Variants in MIF4GD observed in about 807,000 individuals in gnomAD.
The protein encoded by MIF4GD is MIF4G domain-containing protein.
A neutral mutation model predicts 26.7 loss-of-function variants in MIF4GD; 22 were observed. The ratio of observed to expected loss-of-function variants is 0.82; its 90% CI spans 0.59 to 1.18. The LOEUF (loss-of-function observed/expected upper bound fraction) is 1.18, where lower values mean the gene tolerates loss of function less well. Among genes scored for constraint, MIF4GD ranks in the 50% most tolerant of loss-of-function variants. The pLI is 0.00. For missense variants in MIF4GD, 262 were observed against 279.6 expected (o/e 0.94, Z 0.45); for synonymous variants, 137 against 111.6 (o/e 1.23, Z -1.43).
In MIF4GD at chr17:75,266,582, A is replaced by AGTGGGAAACATCTCACCAGGAG; in HGVS notation, c.*136_*157dup. The AGTGGGAAACATCTCACCAGGAG allele has an allele frequency of 1.4e-6, 1 of 715,390 alleles. No individual in the cohort carries two copies. Among genetic ancestry groups the AGTGGGAAACATCTCACCAGGAG allele is most frequent in the East Asian group, 2.7e-5 (1 of 37,024 alleles). 44.3% of individuals were successfully genotyped at this position (715,390 alleles called of 1,614,324 possible). A position where few individuals can be genotyped will look rare whatever the true frequency, so the allele number is the denominator to read the frequency against. ...GGGCTCAGGGCAGGACCACGGCATA[A>AGTGGGAAACATCTCACCAGGAG]GTGGGAAACATCTCACCAGGAGATG... is the stretch of plus-strand genomic sequence containing the variant. On this transcript the variant is annotated 3_prime_UTR_variant, in exon 6 of 6. Coordinates refer to ENST00000325102, the MANE Select transcript of MIF4GD (RefSeq NM_001370592.1).
rs950110632 is a variant in MIF4GD at position 75,269,307 on chromosome 17, A to G, written c.82+807T>C. 5 of 1,610,118 alleles carry G rather than the reference A, an allele frequency of 3.1e-6. 1 individual carries two copies. The highest frequency in any genetic ancestry group is 3.3e-4 in the Middle Eastern group (2 of 6,048). On this transcript the variant is annotated intron_variant, in intron 2 of 5. Coordinates refer to ENST00000325102, the MANE Select transcript of MIF4GD (RefSeq NM_001370592.1). ...AGGGCCTCCCAACAGGCTCGGCTTGACACATGATGGGTGTTGCTAATTATT... is the reference window on the plus strand; with the variant it reads ...AGGGCCTCCCAACAGGCTCGGCTTGGCACATGATGGGTGTTGCTAATTATT...
chr17:75,266,716 G>C lies in MIF4GD; in HGVS notation c.*24C>G, dbSNP rs745360304. 10 of 1,606,382 alleles carry C rather than the reference G, an allele frequency of 6.2e-6. No homozygotes were observed. The highest frequency in any genetic ancestry group is 5.3e-5 in the African/African-American group (4 of 74,798). On this transcript the variant is annotated 3_prime_UTR_variant, in exon 6 of 6. Coordinates refer to ENST00000325102, the MANE Select transcript of MIF4GD (RefSeq NM_001370592.1). The stretch of plus-strand genomic sequence containing the variant: ...GTGGGTAGAAGAAAGGCCAGTGCTG[G>C]TGAGGAAGCCCTGATCTGGAGGCCT...
rs749848553 is a variant in MIF4GD, at chr17:75,270,158, G to A, written c.38C>T (p.Ser13Phe). 2 of 1,614,084 alleles carry A rather than the reference G, an allele frequency of 1.2e-6. No individual in the cohort carries two copies. The highest frequency in any genetic ancestry group is 4.5e-5 in the East Asian group (2 of 44,880). ...CAGCTGCTGGGTCTCTGCATCAAAGGACTGGATTTTATACTCCTCTCTACT... is the reference window on the plus strand; with the variant it reads ...CAGCTGCTGGGTCTCTGCATCAAAGAACTGGATTTTATACTCCTCTCTACT... ...EPSREEYKIQ[S>F]FDAETQQLLK... Residue 13 changes from serine (S) to phenylalanine (F), a missense_variant, in exon 2 of 6, where the codon TCC becomes TTC. Coordinates refer to ENST00000325102, the MANE Select transcript of MIF4GD (RefSeq NM_001370592.1). This position sits in a 1 kb window ranked among gnomAD's most constrained non-coding sequence, Gnocchi z 5.7.
Position 75,266,239 on chromosome 17 carries a change from GA to G in MIF4GD, c.*500del, listed in dbSNP as rs1284819247. The G allele has an allele frequency of 2.7e-5, 11 of 414,428 alleles. No homozygotes were observed. Among genetic ancestry groups the G allele is most frequent in the Non-Finnish European group, 4.4e-5 (10 of 226,456 alleles). 25.7% of individuals were successfully genotyped at this position (414,428 alleles called of 1,614,324 possible). A position where few individuals can be genotyped will look rare whatever the true frequency, so the allele number is the denominator to read the frequency against. On this transcript the variant is annotated 3_prime_UTR_variant, in exon 6 of 6. Transcript: ENST00000325102. The stretch of plus-strand genomic sequence containing the variant: ...TATAAAGGAAGCAGTTTTAGTATCA[GA>G]AAAGATTTATTAGAAAATTCTCACG...
rs971778790 is a variant in MIF4GD, at chr17:75,270,108, G to A, written c.82+6C>T. On this transcript the variant is annotated splice_donor_region_variant and intron_variant, in intron 2 of 5. Coordinates refer to ENST00000325102, the MANE Select transcript of MIF4GD (RefSeq NM_001370592.1). The surrounding 1 kb of genome is among the most constrained non-coding windows in gnomAD (Gnocchi z 5.7). ...GACCCCAGCTCAGGAGGGGTCCCGT[G>A]CTCACCTTTGAGTGCTGTCTTCAGC... 1.9e-6 allele frequency: 3 copies of A among 1,613,562 alleles called. No individual in the cohort carries two copies. Among genetic ancestry groups the A allele is most frequent in the Non-Finnish European group, 2.5e-6 (3 of 1,179,610 alleles).
intron 2 of MIF4GD, among the ~76,000 whole-genome samples, chr17:75,268,489 C>T (rs1166182080): frequency 6.6e-6 from 1 of 151,632 alleles, no homozygotes; most frequent in African/African-American, 2.4e-5. Flanking sequence ...CATGGTGAAA[C>T]CCCATCTCTA....
Position 75,266,669 on chromosome 17 carries a change from G to A in MIF4GD, c.*71C>T. On this transcript the variant is annotated 3_prime_UTR_variant, in exon 6 of 6. Transcript: ENST00000325102. ...GGGAAAAGTCTTTGGGTGAGGCAGAGACTCCACTGCCAGCTTTAGAGGTGG... is the reference window on the plus strand; with the variant it reads ...GGGAAAAGTCTTTGGGTGAGGCAGAAACTCCACTGCCAGCTTTAGAGGTGG... 1 of 1,418,380 alleles carries A rather than the reference G, an allele frequency of 7.1e-7. No homozygotes were observed. Among genetic ancestry groups the A allele is most frequent in the Non-Finnish European group, 1.0e-6 (1 of 1,002,838 alleles). 87.9% of individuals were successfully genotyped at this position (1,418,380 alleles called of 1,614,324 possible).
intron 2 of MIF4GD, among the ~76,000 whole-genome samples, chr17:75,268,660 A>G (rs1456943820): frequency 2.1e-5 from 3 of 141,122 alleles, no homozygotes; most frequent in East Asian, 4.2e-4. Context: ...CGACAAAGCA[A>G]GACTCCGTCT....
chr17:75,267,300 T>C (rs2077526958), intron 5 of MIF4GD, among the ~76,000 whole-genome samples: 2 of 152,238 alleles, frequency 1.3e-5, no homozygotes, highest in African/African-American at 4.8e-5. Flanking sequence ...CCATCATACG[T>C]TGGCTTTCTG....
chr17:75,266,887 A>T lies in MIF4GD; in HGVS notation c.522T>A (p.Phe174Leu). The change falls in exon 6 of 6, where the codon TTT (phenylalanine) becomes TTA (leucine). Residue 174 changes from phenylalanine (F) to leucine (L), a missense_variant. Phe to Leu is a conservative substitution (Grantham distance 22). Coordinates refer to ENST00000325102, the MANE Select transcript of MIF4GD (RefSeq NM_001370592.1). ...KMNGQRMDEL[F>L]VLIRDGFLLP... Reference sequence around the variant, plus strand: ...GCAGGAAGCCATCCCGGATCAGCACAAAGAGCTCATCCATGCGCTGCCCAT... The same window carrying T: ...GCAGGAAGCCATCCCGGATCAGCACTAAGAGCTCATCCATGCGCTGCCCAT... The T allele has an allele frequency of 6.2e-7, 1 of 1,614,190 alleles. No individual in the cohort carries two copies. The highest frequency in any genetic ancestry group is 8.5e-7 in the Non-Finnish European group (1 of 1,180,018).
chr17:75,269,376 A>T, intron 2 of MIF4GD: 1 of 1,614,162 alleles, frequency 6.2e-7, no homozygotes, highest in Non-Finnish European at 8.5e-7. Flanking sequence ...GCGGGAAGGC[A>T]TCAGGCGAGA....
At position 75,266,878 on chromosome 17, in the gene MIF4GD, G is replaced by C. The variant is rs201029754; in HGVS notation, c.531C>G (p.Ile177Met). 4.6e-5 allele frequency: 75 copies of C among 1,614,068 alleles called. No individual in the cohort carries two copies. Among genetic ancestry groups the C allele is most frequent in the Non-Finnish European group, 5.8e-5 (69 of 1,180,038 alleles). ...CAGTTGGGAGCAGGAAGCCATCCCG[G>C]ATCAGCACAAAGAGCTCATCCATGC... ...GQRMDELFVL[I>M]RDGFLLPTGL... Residue 177 changes from isoleucine to methionine, a missense_variant, in exon 6 of 6, where the codon ATC becomes ATG. Physicochemically the swap from Ile to Met is conservative, Grantham distance 10. Transcript: ENST00000325102.
intron 3 of MIF4GD, 87 bp downstream of exon 3, chr17:75,267,996 T>TGC: frequency 6.2e-7 from 1 of 1,604,324 alleles, no homozygotes; most frequent in Non-Finnish European, 8.5e-7. Flanking sequence ...CTAGACCCTG[T>TGC]GCATCTCTGT....
At position 75,266,364 on chromosome 17, in the gene MIF4GD, G is replaced by A. The variant is rs2077485335; in HGVS notation, c.*376C>T. The A allele has an allele frequency of 2.7e-6, 1 of 374,322 alleles. No homozygotes were observed. The highest frequency in any genetic ancestry group is 2.7e-5 in the South Asian group (1 of 36,428). The allele number at this position is 374,322 out of a possible 1,614,324, so 23.2% of individuals were successfully genotyped here. A position where few individuals can be genotyped will look rare whatever the true frequency, so the allele number is the denominator to read the frequency against. Reference sequence around the variant, plus strand: ...CCTTATACAAAATGTATAAAAAGCAGTTTCTGGTGTGACTTGTGCTCTGCC... The same window carrying A: ...CCTTATACAAAATGTATAAAAAGCAATTTCTGGTGTGACTTGTGCTCTGCC... On this transcript the variant is annotated 3_prime_UTR_variant, in exon 6 of 6. Coordinates refer to ENST00000325102, the MANE Select transcript of MIF4GD (RefSeq NM_001370592.1).
intron 2 of MIF4GD, among the ~76,000 whole-genome samples, chr17:75,268,692 A>T (rs1344400639): frequency 1.3e-5 from 2 of 150,444 alleles, no homozygotes; most frequent in African/African-American, 4.9e-5. Context: ...AAAAAAAGAA[A>T]AAAATAAAAG....
Position 75,266,491 on chromosome 17 carries a change from C to T in MIF4GD, c.*249G>A. 1.8e-6 allele frequency: 1 copy of T among 568,170 alleles called. No individual in the cohort carries two copies. The highest frequency in any genetic ancestry group is 2.0e-5 in the South Asian group (1 of 49,048). The allele number at this position is 568,170 out of a possible 1,614,324, so 35.2% of individuals were successfully genotyped here. A position where few individuals can be genotyped will look rare whatever the true frequency, so the allele number is the denominator to read the frequency against. ...AAGGTAGTAGTTGCACTAATGGTTACACAGTGCAGTGGCTCTTGGGAGTTG... is the reference window on the plus strand; with the variant it reads ...AAGGTAGTAGTTGCACTAATGGTTATACAGTGCAGTGGCTCTTGGGAGTTG... On this transcript the variant is annotated 3_prime_UTR_variant, in exon 6 of 6. Coordinates refer to ENST00000325102, the MANE Select transcript of MIF4GD (RefSeq NM_001370592.1).
At chr17:75,267,681 C>T in intron 4 of MIF4GD, 51 bp from the exon 5 acceptor site, 1 of 1,612,902 alleles carries the variant, frequency 6.2e-7, no homozygotes, top group Non-Finnish European at 8.5e-7. Flanking sequence ...CCAAGGGGAG[C>T]AGTCCAACCT....
In MIF4GD at chr17:75,270,064, G is replaced by T; in HGVS notation, c.82+50C>A. 1 of 1,528,340 alleles carries T rather than the reference G, an allele frequency of 6.5e-7. No homozygotes were observed. The highest frequency in any genetic ancestry group is 9.1e-7 in the Non-Finnish European group (1 of 1,103,218). The allele number at this position is 1,528,340 out of a possible 1,614,324, so 94.7% of individuals were successfully genotyped here. The stretch of plus-strand genomic sequence containing the variant: ...TCAGCCTCTGGTGCTGCCCACAGGG[G>T]CCCTTCTCTGTAGCTCCTGACCCCA... On this transcript the variant is annotated intron_variant, in intron 2 of 5. Coordinates refer to ENST00000325102, the MANE Select transcript of MIF4GD (RefSeq NM_001370592.1). This position sits in a 1 kb window ranked among gnomAD's most constrained non-coding sequence, Gnocchi z 5.7.
chr17:75,269,161 C>A (rs567457899), intron 2 of MIF4GD, among the ~76,000 whole-genome samples: 1 of 152,334 alleles, frequency 6.6e-6, no homozygotes, highest in Admixed American at 6.5e-5. Context: ...GGAAACACAT[C>A]TTTTCCTGGC....
Sources: gnomAD v4.1 joint callset for allele counts (sites outside exome capture counted in the v4.1 genomes callset) on GRCh38, gnomAD v4.1.1 for gene constraint, Gnocchi (gnomAD v3.1) non-coding constraint, MANE v1.5 for transcripts, NCBI Gene and HGNC (gene_info 2026-07-23, HGNC 2026-07-21) for gene names.